Variants in KCNAB2 observed in about 807,000 individuals in gnomAD.
The protein encoded by KCNAB2 is potassium voltage-gated channel subfamily A regulatory beta subunit 2, also known as voltage-gated potassium channel subunit beta-2.
Under a neutral mutation model 63.6 loss-of-function variants are expected in KCNAB2, and 29 were observed. The ratio of observed to expected loss-of-function variants is 0.46; its 90% CI spans 0.34 to 0.62. The LOEUF is 0.62. Among genes scored for constraint, KCNAB2 ranks in the 20% least tolerant of loss-of-function variants. The pLI, the probability that KCNAB2 is intolerant of heterozygous loss-of-function variation, is 0.01. For missense variants in KCNAB2, 359 were observed against 563.9 expected (o/e 0.64, Z 3.68); for synonymous variants, 222 against 224.2 (o/e 0.99, Z 0.09).
chr1:6,011,287 T>G (rs949314301), intron 1 of KCNAB2, among the ~76,000 whole-genome samples: 1 of 123,548 alleles, frequency 8.1e-6, no homozygotes. Context: ...GGGCCAGGTG[T>G]GCGGGAGACA....
chr1:6,084,155 G>A (rs545819672), intron 5 of KCNAB2, among the ~76,000 whole-genome samples: 3 of 152,360 alleles, frequency 2.0e-5, no homozygotes, highest in Admixed American at 6.5e-5. Context: ...GTAGCACAGA[G>A]TATGGATCAT....
rs12083489 is a variant in KCNAB2, at chr1:6,035,102, A to G, written c.-53+308A>G. Among the ~76,000 whole-genome samples, 67,455 of 151,938 alleles carry G rather than the reference A, an allele frequency of 0.44. 15,223 individuals are homozygous for G. The highest frequency in any genetic ancestry group is 0.56 in the East Asian group (2,894 of 5,134). Reference sequence around the variant, plus strand: ...GGCATAAAGAGGCAAACGTGGGAGCATGCTCAGGCAGACCACGGTGGTCAG... The same window carrying G: ...GGCATAAAGAGGCAAACGTGGGAGCGTGCTCAGGCAGACCACGGTGGTCAG... On this transcript the variant is annotated intron_variant, in intron 1 of 15. Transcript: ENST00000164247. The surrounding 1 kb of genome is among the most constrained non-coding windows in gnomAD (Gnocchi z 5.0).
upstream of KCNAB2, among the ~76,000 whole-genome samples, chr1:6,044,056 G>C (rs182389003): frequency 2.5e-3 from 381 of 152,332 alleles, no homozygotes; most frequent in Non-Finnish European, 3.5e-3. Flanking sequence ...GCAGAAACAT[G>C]CAGGGTCTCT....
chr1:6,094,187 G>C (rs895291903), intron 10 of KCNAB2, among the ~76,000 whole-genome samples: 7 of 152,004 alleles, frequency 4.6e-5, no homozygotes, highest in Non-Finnish European at 8.8e-5. Context: ...TTGTTTTCAC[G>C]ACCAACTTCT....
intron 1 of KCNAB2, among the ~76,000 whole-genome samples, chr1:6,049,911 C>A (rs902479291): frequency 6.6e-6 from 1 of 152,222 alleles, no homozygotes; most frequent in Non-Finnish European, 1.5e-5. Context: ...GGTGGCCCCC[C>A]TCTCTGGGTG....
At position 6,028,483 on chromosome 1, in the gene KCNAB2, C is replaced by T. The variant is rs1052971895; in HGVS notation, c.-52-12034C>T. Among the ~76,000 whole-genome samples, 2 of 152,180 alleles carry T rather than the reference C, an allele frequency of 1.3e-5. No homozygotes were observed. Among genetic ancestry groups the T allele is most frequent in the African/African-American group, 4.8e-5 (2 of 41,436 alleles). ...AGTTCAACAAGCAGGTGCTGGAGTC[C>T]TCGCCCCGAGGCCTTCCGGAAGACA... is the stretch of plus-strand genomic sequence containing the variant. On this transcript the variant is annotated intron_variant, in intron 1 of 16. Coordinates refer to the KCNAB2 transcript ENST00000341524. This position sits in a 1 kb window ranked among gnomAD's most constrained non-coding sequence, Gnocchi z 4.0.
chr1:6,032,458 T>G (rs554388912), upstream of KCNAB2, among the ~76,000 whole-genome samples: 4 of 151,956 alleles, frequency 2.6e-5, no homozygotes, highest in East Asian at 7.7e-4. Flanking sequence ...GCGCCTGTAG[T>G]CCCAGCTACT....
chr1:6,041,053 G>C (rs2100459367), upstream of KCNAB2: 1 of 169,932 alleles, frequency 5.9e-6, no homozygotes, highest in East Asian at 1.7e-4. Flanking sequence ...TGACGACCTT[G>C]CAGGCCTTTG....
rs908656635 is a variant in KCNAB2, at chr1:6,098,348, C to T, written c.1159-137C>T. 16 of 1,465,982 alleles carry T rather than the reference C, an allele frequency of 1.1e-5. No individual in the cohort carries two copies. The East Asian group carries it at 3.9e-4, about 35-fold the overall frequency. 90.8% of individuals were successfully genotyped at this position (1,465,982 alleles called of 1,614,324 possible). On this transcript the variant is annotated intron_variant, in intron 15 of 15. Coordinates refer to ENST00000378083, the MANE Select transcript of KCNAB2 (RefSeq NM_001199862.2). ...CAAAAGCAGCGTGGCCTCCATCTGC[C>T]TCAGATGGAGCCCAGATGTGATGGG...
Position 6,078,670 on chromosome 1 carries a change from C to T in KCNAB2, c.301-3525C>T, listed in dbSNP as rs1663911081. On this transcript the variant is annotated intron_variant, in intron 4 of 15. Transcript: ENST00000378083. The surrounding 1 kb of genome is among the most constrained non-coding windows in gnomAD (Gnocchi z 4.2). ...CTGCGAGATGGAAGCCCCTGGAGGG[C>T]TTTTGCATGGAGGAAATTTGACCTG... Among the ~76,000 whole-genome samples, 1 of 152,134 alleles carries T rather than the reference C, an allele frequency of 6.6e-6. No individual in the cohort carries two copies. Among genetic ancestry groups the T allele is most frequent in the Non-Finnish European group, 1.5e-5 (1 of 68,024 alleles).
rs549061472 is a variant in KCNAB2 at position 6,004,230 on chromosome 1, T to G, written c.-53+11442T>G. Among the ~76,000 whole-genome samples the G allele has an allele frequency of 1.6e-4, 25 of 151,656 alleles. 1 individual carries two copies. In the South Asian group the frequency reaches 3.3e-3, roughly 20 times the overall value. ...TAGAACCTGCTCTGGTTAGAGGGTT[T>G]TTTTTTTTTTTTAAGAGACACGATC... On this transcript the variant is annotated intron_variant, in intron 1 of 16. Coordinates refer to the KCNAB2 transcript ENST00000341524.
intron 1 of KCNAB2, among the ~76,000 whole-genome samples, chr1:6,001,888 T>G (rs113928754): frequency 6.6e-6 from 1 of 152,148 alleles, no homozygotes; most frequent in African/African-American, 2.4e-5. Context: ...TGAGGCCAGA[T>G]GACTCATCCT....
rs916770450 is a variant in KCNAB2 at position 6,100,162 on chromosome 1, G to C, written c.*1588G>C. The C allele has an allele frequency of 2.3e-6, 3 of 1,319,548 alleles. No homozygotes were observed. Among genetic ancestry groups the C allele is most frequent in the Non-Finnish European group, 3.0e-6 (3 of 1,009,926 alleles). The allele number at this position is 1,319,548 out of a possible 1,614,324, so 81.7% of individuals were successfully genotyped here. On this transcript the variant is annotated 3_prime_UTR_variant, in exon 16 of 16. Coordinates refer to ENST00000378083, the MANE Select transcript of KCNAB2 (RefSeq NM_001199862.2). ...GGGAGCCTGCTGTCCAGTCCTGGCCGGGCCAAGGCCTGGGAAACTGTGAAA... is the reference window on the plus strand; with the variant it reads ...GGGAGCCTGCTGTCCAGTCCTGGCCCGGCCAAGGCCTGGGAAACTGTGAAA...
intron 4 of KCNAB2, among the ~76,000 whole-genome samples, chr1:6,079,740 T>C (rs2100699158): frequency 6.6e-6 from 1 of 152,244 alleles, no homozygotes; most frequent in African/African-American, 2.4e-5. Flanking sequence ...GGAGTTACTG[T>C]TCAATGGGTA....
intron 1 of KCNAB2, among the ~76,000 whole-genome samples, chr1:6,049,680 C>T (rs142686831): frequency 5.7e-4 from 87 of 152,284 alleles, no homozygotes; most frequent in African/African-American, 2.0e-3. Flanking sequence ...AGGGGCTCCT[C>T]GGGGGCTCCT....
At chr1:5,996,081 T>C (rs1656921311) in intron 1 of KCNAB2, 1 of 152,266 alleles carries the variant, frequency 6.6e-6, no homozygotes, top group Non-Finnish European at 1.5e-5. Flanking sequence ...TGGTCTATCT[T>C]CGGGTGAGTC....
intron 10 of KCNAB2, among the ~76,000 whole-genome samples, chr1:6,092,422 C>T (rs1370058074): frequency 6.6e-6 from 1 of 152,270 alleles, no homozygotes; most frequent in Non-Finnish European, 1.5e-5. Context: ...TGCGGTTTCA[C>T]TGGCTGGGAC....
chr1:6,082,347 C>T (rs1289341070), intron 5 of KCNAB2, 73 bp downstream of exon 5: 8 of 1,182,688 alleles, frequency 6.8e-6, no homozygotes, highest in African/African-American at 4.6e-5. Context: ...GGATTCCTGC[C>T]GCTCGCGTTC....
chr1:6,075,658 C>G (rs1003128848), intron 4 of KCNAB2, among the ~76,000 whole-genome samples: 1 of 152,208 alleles, frequency 6.6e-6, no homozygotes, highest in South Asian at 2.1e-4. Flanking sequence ...TCAGGTGCTG[C>G]GGCTCAGTCC....
Sources: allele counts gnomAD v4.1 joint callset (sites outside exome capture counted in the v4.1 genomes callset), GRCh38; gene constraint gnomAD v4.1.1; non-coding constraint Gnocchi (gnomAD v3.1); transcripts MANE v1.5; gene names NCBI Gene and HGNC (gene_info 2026-07-23, HGNC 2026-07-21).